ROBO2: variants seen among roughly 807,000 people sequenced by gnomAD.
The protein encoded by ROBO2 is roundabout guidance receptor 2.
In ROBO2, 53 loss-of-function variants were observed where a neutral mutation model predicts 160.8. The observed-to-expected ratio is 0.33, with a 90% CI of 0.26 to 0.41. The LOEUF is 0.41. ROBO2 is among the 10% of genes least tolerant of loss of function. The probability of loss-of-function intolerance (pLI) is 1.00; values close to 1 mark genes in which losing one functional copy is unlikely to be tolerated. For synonymous variants in ROBO2, 664 were observed against 611.7 expected, an observed-to-expected ratio of 1.09 and a Z score of -1.26; for missense variants, 1,577 against 1,722.4, an observed-to-expected ratio of 0.92 and a Z score of 1.49.
intron 2 of ROBO2, among the ~76,000 whole-genome samples, chr3:77,346,607 G>A (rs1192937209): frequency 5.3e-5 from 8 of 152,098 alleles, no homozygotes; most frequent in Non-Finnish European, 1.0e-4. Flanking sequence ...CGGAATCAAG[G>A]TGTTGGCCTT....
intron 2 of ROBO2, among the ~76,000 whole-genome samples, chr3:76,961,264 A>AAAC (rs2079639516): frequency 1.3e-5 from 2 of 151,604 alleles, no homozygotes; most frequent in African/African-American, 4.8e-5. Context: ...AAAAAAAAAA[A>AAAC]AAAACACTAG....
At chr3:76,219,374 C>G (rs1190525917) in intron 2 of ROBO2, among the ~76,000 whole-genome samples, 3 of 152,188 alleles carry the variant, frequency 2.0e-5, no homozygotes, top group African/African-American at 4.8e-5. Flanking sequence ...AAACCACCAT[C>G]AGAGTGAACA....
chr3:77,229,659 T>G (rs1293231387), intron 2 of ROBO2, among the ~76,000 whole-genome samples: 2 of 134,046 alleles, frequency 1.5e-5, no homozygotes, highest in African/African-American at 6.0e-5. Context: ...AGGGTAAGAC[T>G]GTCTCCAAAA....
intron 2 of ROBO2, among the ~76,000 whole-genome samples, chr3:76,535,875 G>A (rs932679761): frequency 6.6e-6 from 1 of 152,138 alleles, no homozygotes; most frequent in African/African-American, 2.4e-5. Flanking sequence ...CATCCATGAT[G>A]GTCCAGGGGG....
chr3:76,470,844 T>A (rs2078617984), intron 2 of ROBO2, among the ~76,000 whole-genome samples: 1 of 152,086 alleles, frequency 6.6e-6, no homozygotes, highest in African/African-American at 2.4e-5. Context: ...TAATCCTGCC[T>A]TTGCCTATAC....
chr3:76,215,292 T>C (rs895576264), intron 2 of ROBO2, among the ~76,000 whole-genome samples: 2 of 151,952 alleles, frequency 1.3e-5, no homozygotes, highest in Non-Finnish European at 2.9e-5. Context: ...TCACCAGCAA[T>C]GGAACAAAGC....
Position 75,951,580 on chromosome 3 carries a change from A to C in ROBO2, c.109+13978A>C, listed in dbSNP as rs1477240665. ...ATGAGAAATTAATGGTACTGCCAGC[A>C]GACAGAAATTAGCCTAAGTTAAGTT... On this transcript the variant is annotated intron_variant, in intron 2 of 26. Coordinates refer to the ROBO2 transcript ENST00000487694. 2.0e-5 allele frequency among the ~76,000 whole-genome samples: 3 copies of C among 152,230 alleles called. No individual in the cohort carries two copies. In the East Asian group the frequency reaches 5.8e-4, roughly 30 times the overall value.
chr3:76,529,645 T>C (rs2082122396), intron 2 of ROBO2, among the ~76,000 whole-genome samples: 1 of 152,162 alleles, frequency 6.6e-6, no homozygotes. Flanking sequence ...AATTATTTTC[T>C]TTTCTATACA....
chr3:77,117,432 T>G, intron 2 of ROBO2, among the ~76,000 whole-genome samples: 1 of 152,184 alleles, frequency 6.6e-6, no homozygotes, highest in East Asian at 1.9e-4. Context: ...TTTATTGTTA[T>G]TGCTGAATGG....
intron 2 of ROBO2, among the ~76,000 whole-genome samples, chr3:76,037,432 A>G (rs929438473): frequency 2.0e-5 from 3 of 151,230 alleles, no homozygotes; most frequent in Admixed American, 6.6e-5. Flanking sequence ...TAATTTTTGT[A>G]TTTTTACTAG....
At chr3:76,844,318 A>C (rs372233690) in intron 2 of ROBO2, among the ~76,000 whole-genome samples, 1 of 151,970 alleles carries the variant, frequency 6.6e-6, no homozygotes, top group East Asian at 1.9e-4. Flanking sequence ...TCTTAACATA[A>C]ATTCTCCTGG....
intron 2 of ROBO2, among the ~76,000 whole-genome samples, chr3:76,027,034 A>G (rs1347884418): frequency 6.6e-6 from 1 of 151,920 alleles, no homozygotes; most frequent in East Asian, 1.9e-4. Context: ...AAGAAAGCCC[A>G]CCAAAAGAGA....
At chr3:77,180,416 C>CTCTCTCTCTATATATATA (rs1433740534) in intron 2 of ROBO2, among the ~76,000 whole-genome samples, 101 of 90,708 alleles carry the variant, frequency 1.1e-3, no homozygotes, top group Non-Finnish European at 1.5e-3. Context: ...CTCTCTCTCT[C>CTCTCTCTCTATATATATA]TATATATATA....
chr3:77,000,167 T>C (rs1034599076), intron 2 of ROBO2, among the ~76,000 whole-genome samples: 34 of 152,206 alleles, frequency 2.2e-4, no homozygotes, highest in African/African-American at 7.9e-4. Flanking sequence ...ATAAGAACAT[T>C]CCCCTTGGAA....
At chr3:75,965,648 A>C (rs904874866) in intron 2 of ROBO2, among the ~76,000 whole-genome samples, 3 of 32,748 alleles carry the variant, frequency 9.2e-5, no homozygotes, top group African/African-American at 2.0e-4. Context: ...TAATTCTGTT[A>C]ATATTTTATA....
chr3:77,070,755 G>C (rs74645967), intron 1 of ROBO2, among the ~76,000 whole-genome samples: 1 of 152,106 alleles, frequency 6.6e-6, no homozygotes, highest in Non-Finnish European at 1.5e-5. Flanking sequence ...TTCTTGGCAG[G>C]TTTTAAGCTG....
intron 2 of ROBO2, among the ~76,000 whole-genome samples, chr3:77,105,865 C>T (rs1187980982): frequency 6.6e-6 from 1 of 152,070 alleles, no homozygotes; most frequent in Non-Finnish European, 1.5e-5. Context: ...ATCCTGAGGT[C>T]TGCAGTCAAG....
At chr3:75,936,610 A>G (rs1314315002) in intron 1 of ROBO2, among the ~76,000 whole-genome samples, 1 of 152,114 alleles carries the variant, frequency 6.6e-6, no homozygotes, top group Non-Finnish European at 1.5e-5. Context: ...TATGAAAGGT[A>G]TAGTTTTGAA....
intron 2 of ROBO2, among the ~76,000 whole-genome samples, chr3:77,403,391 A>G (rs907286317): frequency 2.0e-5 from 3 of 152,120 alleles, no homozygotes; most frequent in Non-Finnish European, 4.4e-5. Flanking sequence ...GCTTCTGTTA[A>G]CCACCATTCT....
Sources: gnomAD v4.1 joint callset for allele counts (sites outside exome capture counted in the v4.1 genomes callset) on GRCh38, gnomAD v4.1.1 for gene constraint, MANE v1.5 for transcripts, NCBI Gene and HGNC (gene_info 2026-07-23, HGNC 2026-07-21) for gene names.